The following ADAMTS17 variants were observed in gnomAD, a reference collection of about 807,000 sequenced individuals.
ADAMTS17 encodes A disintegrin and metalloproteinase with thrombospondin motifs 17.
ADAMTS17 carries 113 observed loss-of-function variants against 141.5 expected under a neutral mutation model. The observed-to-expected ratio is 0.80, with a 90% CI of 0.69 to 0.93. The LOEUF (loss-of-function observed/expected upper bound fraction) is 0.93, where lower values mean the gene tolerates loss of function less well. Ranked by LOEUF, ADAMTS17 falls within the 40% of genes least tolerant of loss-of-function variation. The probability of loss-of-function intolerance (pLI) is 0.00; values close to 1 mark genes in which losing one functional copy is unlikely to be tolerated. For synonymous variants in ADAMTS17, 768 were observed against 630.6 expected (o/e 1.22, Z -3.27); for missense variants, 1,659 against 1,517.9 (o/e 1.09, Z -1.54).
At chr15:100,244,078 A>G (rs1273249376) in intron 7 of ADAMTS17, among the ~76,000 whole-genome samples, 1 of 152,078 alleles carries the variant, frequency 6.6e-6, no homozygotes, top group East Asian at 2.0e-4. Context: ...TCATGGCGGA[A>G]GGCAAAGGGG....
At chr15:100,072,442 T>C (rs2034044139) in intron 15 of ADAMTS17, among the ~76,000 whole-genome samples, 1 of 137,504 alleles carries the variant, frequency 7.3e-6, no homozygotes, top group African/African-American at 2.7e-5. Flanking sequence ...AGAGCCCGCA[T>C]TGCCAAGTCA....
intron 10 of ADAMTS17, among the ~76,000 whole-genome samples, chr15:100,135,457 G>A (rs1439654078): frequency 2.0e-5 from 3 of 151,884 alleles, no homozygotes; most frequent in African/African-American, 4.8e-5. Flanking sequence ...CTAATTTTTT[G>A]TATTTTTAGT....
chr15:100,128,868 G>A (rs2037886073), intron 12 of ADAMTS17: 1 of 152,220 alleles, frequency 6.6e-6, no homozygotes, highest in Non-Finnish European at 1.5e-5. Context: ...CAGTTCAGAT[G>A]GTGACAGGGT....
intron 16 of ADAMTS17, 37 bp from the exon 17 acceptor site, chr15:100,051,768 G>C (rs377538387): frequency 9.9e-6 from 16 of 1,613,728 alleles, no homozygotes; most frequent in Non-Finnish European, 1.3e-5. Flanking sequence ...ATTTTGAAAA[G>C]GAAGGAAGGC....
chr15:100,340,899 A>C, intron 2 of ADAMTS17, 140 bp downstream of exon 2: 1 of 1,285,806 alleles, frequency 7.8e-7, no homozygotes, highest in Non-Finnish European at 1.1e-6. Context: ...GGATGGGGAG[A>C]GGTGGAAAGG....
At chr15:100,282,778 C>T (rs1405537272) in intron 3 of ADAMTS17, among the ~76,000 whole-genome samples, 1 of 152,002 alleles carries the variant, frequency 6.6e-6, no homozygotes, top group Non-Finnish European at 1.5e-5. Flanking sequence ...AAATATACAA[C>T]TATAGATAAA....
intron 18 of ADAMTS17, among the ~76,000 whole-genome samples, chr15:100,031,536 T>C (rs550182997): frequency 6.6e-6 from 1 of 152,278 alleles, no homozygotes; most frequent in African/African-American, 2.4e-5. Context: ...CAATCCAACA[T>C]ACACCAGGGT....
intron 18 of ADAMTS17, among the ~76,000 whole-genome samples, chr15:100,013,831 C>T (rs747414647): frequency 7.2e-5 from 11 of 152,052 alleles, no homozygotes; most frequent in East Asian, 3.8e-4. Context: ...TGAAGGATAT[C>T]GGTCTGTAGT....
In ADAMTS17 at chr15:100,221,395, G is replaced by T. The variant is rs77822795; in HGVS notation, c.1076-21972C>A. On this transcript the variant is annotated intron_variant, in intron 7 of 21. Transcript: ENST00000268070. ...AAAAATTTTGCTACAGTAGTGGACAGCTCATACACTCATATAAGGTGGTAA... is the reference window on the plus strand; with the variant it reads ...AAAAATTTTGCTACAGTAGTGGACATCTCATACACTCATATAAGGTGGTAA... 6.0e-4 allele frequency among the ~76,000 whole-genome samples: 92 copies of T among 152,174 alleles called. 2 individuals are homozygous for T. The East Asian group carries it at 0.017, about 29-fold the overall frequency.
intron 10 of ADAMTS17, among the ~76,000 whole-genome samples, chr15:100,143,035 A>G (rs905356709): frequency 1.3e-5 from 2 of 152,206 alleles, no homozygotes; most frequent in Non-Finnish European, 2.9e-5. Context: ...TGGAGCCACG[A>G]TGGTGGAATG....
chr15:100,248,822 A>G (rs2043064546), intron 7 of ADAMTS17, among the ~76,000 whole-genome samples: 1 of 147,562 alleles, frequency 6.8e-6, no homozygotes, highest in Non-Finnish European at 1.5e-5. Flanking sequence ...TTTTTTTGAG[A>G]CAGTCTCACT....
chr15:100,015,140 G>A lies in ADAMTS17; in HGVS notation c.2592-17551C>T, dbSNP rs1579596. 5.6e-3 allele frequency among the ~76,000 whole-genome samples: 854 copies of A among 152,200 alleles called. 1 individual carries two copies. Among genetic ancestry groups the A allele is most frequent in the South Asian group, 9.1e-3 (44 of 4,818 alleles). ...GTCTCACTTTGTCTCTTTTAACTGC[G>A]GCTGCTTTAAAGTTTTTTTCGTCTG... On this transcript the variant is annotated intron_variant, in intron 18 of 21. Transcript: ENST00000268070.
intron 15 of ADAMTS17, among the ~76,000 whole-genome samples, chr15:100,072,307 A>G (rs1439161942): frequency 5.4e-5 from 8 of 148,872 alleles, no homozygotes; most frequent in Non-Finnish European, 1.2e-4. Context: ...GGAAGAATCA[A>G]TATCATGAAA....
chr15:100,180,323 C>T (rs918361879), intron 8 of ADAMTS17, among the ~76,000 whole-genome samples: 11 of 152,180 alleles, frequency 7.2e-5, no homozygotes, highest in Non-Finnish European at 1.5e-4. Context: ...AATGAGTTCA[C>T]TGTAGATGTA....
At chr15:100,039,363 CAGTATA>C (rs2031041900) in intron 18 of ADAMTS17, among the ~76,000 whole-genome samples, 1 of 152,066 alleles carries the variant, frequency 6.6e-6, no homozygotes, top group Non-Finnish European at 1.5e-5. Flanking sequence ...TCTTCTTTTT[CAGTATA>C]AGTGTTTACA....
At chr15:100,116,132 T>TAAAAAAAAAAAAAAAAA (rs34003703) in intron 13 of ADAMTS17, among the ~76,000 whole-genome samples, 11 of 84,778 alleles carry the variant, frequency 1.3e-4, no homozygotes, top group African/African-American at 4.2e-4. Context: ...CAGTTTTAGG[T>TAAAAAAAAAAAAAAAAA]AAAAAAAAAA....
intron 15 of ADAMTS17, among the ~76,000 whole-genome samples, chr15:100,062,576 G>A (rs974677657): frequency 1.3e-5 from 2 of 152,168 alleles, no homozygotes; most frequent in Non-Finnish European, 2.9e-5. Context: ...GAAAGACTCC[G>A]ACTTTTGCAT....
chr15:100,010,600 T>C (rs995882896), intron 18 of ADAMTS17, among the ~76,000 whole-genome samples: 2 of 152,228 alleles, frequency 1.3e-5, no homozygotes, highest in African/African-American at 4.8e-5. Flanking sequence ...CGTCAGAGGT[T>C]CCTGTCTGCC....
At chr15:100,266,670 G>A (rs1489149698) in intron 4 of ADAMTS17, among the ~76,000 whole-genome samples, 1 of 152,120 alleles carries the variant, frequency 6.6e-6, no homozygotes, top group East Asian at 1.9e-4. Context: ...CTTCTCCAAT[G>A]CCAGCCTGAC....
Sources: gnomAD v4.1 joint callset for allele counts (sites outside exome capture counted in the v4.1 genomes callset) on GRCh38, gnomAD v4.1.1 for gene constraint, MANE v1.5 for transcripts, NCBI Gene and HGNC (gene_info 2026-07-23, HGNC 2026-07-21) for gene names.